The following PDZRN3 variants were observed in gnomAD, a reference collection of about 807,000 sequenced individuals.
PDZRN3 encodes the protein E3 ubiquitin-protein ligase PDZRN3.
Under a neutral mutation model 85.7 loss-of-function variants are expected in PDZRN3, and 38 were observed. That is an observed-to-expected ratio of 0.44 (90% CI 0.34 to 0.58). The LOEUF is 0.58. Ranked by LOEUF, PDZRN3 falls within the 20% of genes least tolerant of loss-of-function variation. The pLI, the probability that PDZRN3 is intolerant of heterozygous loss-of-function variation, is 0.01. For missense variants in PDZRN3, 1,629 were observed against 1,506.4 expected (o/e 1.08, Z -1.35); for synonymous variants, 759 against 638.0 (o/e 1.19, Z -2.86).
chr3:73,489,424 A>G (rs549768876), intron 3 of PDZRN3, among the ~76,000 whole-genome samples: 13 of 152,216 alleles, frequency 8.5e-5, no homozygotes, highest in African/African-American at 2.6e-4. Flanking sequence ...AGATACTCCA[A>G]CTCTGCTGAA....
rs978665974 is a variant in PDZRN3, at chr3:73,428,594, C to T, written c.919-24199G>A. ...CTTCAGAAGGACACCTAAGCTAGGA[C>T]GGTGGGTATCAAGCCCTAGTCCTAA... On this transcript the variant is annotated intron_variant, in intron 3 of 9. Transcript: ENST00000263666. Among the ~76,000 whole-genome samples the T allele has an allele frequency of 1.2e-4, 18 of 152,102 alleles. 1 individual carries two copies. Among genetic ancestry groups the T allele is most frequent in the Middle Eastern group, 6.3e-3 (2 of 316 alleles).
intron 3 of PDZRN3, among the ~76,000 whole-genome samples, chr3:73,589,579 TAA>T (rs1382266323): frequency 1.4e-4 from 22 of 152,332 alleles, no homozygotes; most frequent in Admixed American, 1.4e-3. Flanking sequence ...TAAGATTTAC[TAA>T]GTCTATCAAG....
chr3:73,394,405 A>C (rs549579514), intron 5 of PDZRN3, among the ~76,000 whole-genome samples: 1 of 152,308 alleles, frequency 6.6e-6, no homozygotes, highest in South Asian at 2.1e-4. Flanking sequence ...TCCTCTCAGA[A>C]CAAACCGTCA....
chr3:73,493,905 CCAT>C (rs1341064636), intron 3 of PDZRN3, among the ~76,000 whole-genome samples: 2 of 152,192 alleles, frequency 1.3e-5, no homozygotes, highest in Non-Finnish European at 2.9e-5. Context: ...GCCACTTTCA[CCAT>C]GTTTGAGAAG....
intron 3 of PDZRN3, among the ~76,000 whole-genome samples, chr3:73,600,526 G>A (rs925733011): frequency 5.9e-5 from 9 of 152,008 alleles, no homozygotes; most frequent in African/African-American, 1.5e-4. Flanking sequence ...TACATATATC[G>A]TTTCTCTATT....
intron 5 of PDZRN3, among the ~76,000 whole-genome samples, chr3:73,395,121 T>C (rs547516174): frequency 1.3e-5 from 2 of 152,324 alleles, no homozygotes; most frequent in Admixed American, 6.5e-5. Context: ...GAGCAAGTCA[T>C]TGAACTTCGA....
At chr3:73,446,859 C>T (rs1702757706) in intron 3 of PDZRN3, among the ~76,000 whole-genome samples, 3 of 151,840 alleles carry the variant, frequency 2.0e-5, no homozygotes, top group African/African-American at 7.3e-5. Context: ...GTCTTACCCT[C>T]GTGACTTGTG....
intron 3 of PDZRN3, among the ~76,000 whole-genome samples, chr3:73,475,746 G>A (rs1207005677): frequency 6.6e-6 from 1 of 152,168 alleles, no homozygotes; most frequent in Non-Finnish European, 1.5e-5. Context: ...CTGACTGTAA[G>A]ATGAGCCATG....
chr3:73,460,055 T>C (rs183169114), intron 3 of PDZRN3, among the ~76,000 whole-genome samples: 1 of 152,344 alleles, frequency 6.6e-6, no homozygotes, highest in Admixed American at 6.5e-5. Context: ...TTATGGGGGC[T>C]TTTAAAATGA....
intron 5 of PDZRN3, among the ~76,000 whole-genome samples, chr3:73,391,643 C>G (rs1701530272): frequency 6.6e-6 from 1 of 152,178 alleles, no homozygotes; most frequent in East Asian, 1.9e-4. Context: ...GTGATATTTA[C>G]AGTTGAGAAA....
chr3:73,470,933 A>G (rs1287597657), intron 3 of PDZRN3, among the ~76,000 whole-genome samples: 2 of 152,248 alleles, frequency 1.3e-5, no homozygotes, highest in Non-Finnish European at 2.9e-5. Flanking sequence ...ACAAAAGGAA[A>G]TAATTGATTC....
intron 3 of PDZRN3, among the ~76,000 whole-genome samples, chr3:73,521,938 G>A (rs1304304016): frequency 3.9e-5 from 6 of 152,180 alleles, no homozygotes; most frequent in African/African-American, 1.4e-4. Flanking sequence ...AGTGAGCAGG[G>A]TTGACAAACT....
Position 73,564,073 on chromosome 3 carries a change from T to C in PDZRN3, c.918+38281A>G, listed in dbSNP as rs117070654. 2.2e-4 allele frequency among the ~76,000 whole-genome samples: 34 copies of C among 152,340 alleles called. 1 individual carries two copies. The East Asian group carries it at 6.6e-3, about 29-fold the overall frequency. The stretch of plus-strand genomic sequence containing the variant: ...GGCTGTGCCTATTCTGCCCTCTTCC[T>C]GGCTCCTCTAATTCTCTCTGCCTGA... On this transcript the variant is annotated intron_variant, in intron 3 of 9. Transcript: ENST00000263666.
chr3:73,582,589 G>A (rs112858669), intron 3 of PDZRN3, among the ~76,000 whole-genome samples: 1 of 151,716 alleles, frequency 6.6e-6, no homozygotes, highest in Admixed American at 6.6e-5. Context: ...TTGTTCACTC[G>A]AAGAGGCTCC....
chr3:73,398,524 T>TACTTTGACC (rs1439792932), intron 5 of PDZRN3, among the ~76,000 whole-genome samples: 2 of 152,308 alleles, frequency 1.3e-5, no homozygotes, highest in South Asian at 2.1e-4. Flanking sequence ...GTGAGAACTC[T>TACTTTGACC]ACTTTGACCA....
chr3:73,438,952 G>T (rs11707945), intron 3 of PDZRN3, among the ~76,000 whole-genome samples: 3 of 152,214 alleles, frequency 2.0e-5, no homozygotes, highest in Non-Finnish European at 4.4e-5. Flanking sequence ...TCTACACATA[G>T]GCCATGACCT....
Position 73,400,926 on chromosome 3 carries a change from A to G in PDZRN3, c.1250T>C (p.Leu417Pro). ...HQEMDREELELEEVDLYRMNS... is the reference protein window; with the variant it reads ...HQEMDREELEPEEVDLYRMNS... Reference sequence around the variant, plus strand: ...AGACAAGGATGTTCTTCATACCTCCAGCTCCAGCTCCTCCCTGTCCATCTC... The same window carrying G: ...AGACAAGGATGTTCTTCATACCTCCGGCTCCAGCTCCTCCCTGTCCATCTC... The change falls in exon 5 of 10, where the codon CTG becomes CCG. Residue 417 changes from leucine to proline, a missense_variant. Coordinates refer to ENST00000263666, the MANE Select transcript of PDZRN3 (RefSeq NM_015009.3). 6.2e-7 allele frequency: 1 copy of G among 1,606,482 alleles called. No homozygotes were observed. Among genetic ancestry groups the G allele is most frequent in the Non-Finnish European group, 8.5e-7 (1 of 1,173,054 alleles).
At chr3:73,391,593 G>C (rs1440328613) in intron 5 of PDZRN3, among the ~76,000 whole-genome samples, 1 of 152,194 alleles carries the variant, frequency 6.6e-6, no homozygotes, top group South Asian at 2.1e-4. Flanking sequence ...AGAAAGGAGG[G>C]TAATGTGATA....
intron 6 of PDZRN3, among the ~76,000 whole-genome samples, chr3:73,390,211 C>T (rs144225828): frequency 3.9e-5 from 6 of 152,206 alleles, no homozygotes; most frequent in Admixed American, 2.6e-4. Context: ...TTAAAGGATA[C>T]CCTTCATTAT....
Sources: gnomAD v4.1 joint callset for allele counts (sites outside exome capture counted in the v4.1 genomes callset) on GRCh38, gnomAD v4.1.1 for gene constraint, MANE v1.5 for transcripts, NCBI Gene and HGNC (gene_info 2026-07-23, HGNC 2026-07-21) for gene names.